UBN2: variants seen among roughly 807,000 people sequenced by gnomAD.
UBN2 encodes the protein ubinuclein 2, also known as ubinuclein-2.
In UBN2, 35 loss-of-function variants were observed where a neutral mutation model predicts 120.2. The ratio of observed to expected loss-of-function variants is 0.29; its 90% confidence interval spans 0.22 to 0.39. The LOEUF is 0.39. Among genes scored for constraint, UBN2 ranks in the 10% least tolerant of loss-of-function variants. The probability of loss-of-function intolerance (pLI) is 1.00; values close to 1 mark genes in which losing one functional copy is unlikely to be tolerated. For synonymous variants in UBN2, 661 were observed against 648.7 expected (o/e 1.02, Z -0.29); for missense variants, 1,693 against 1,663.2 (o/e 1.02, Z -0.31).
intron 9 of UBN2, among the ~76,000 whole-genome samples, chr7:139,273,088 T>G (rs1797336824): frequency 6.6e-6 from 1 of 152,210 alleles, no homozygotes; most frequent in African/African-American, 2.4e-5. Context: ...AAGGTGAATG[T>G]TGGTGCCTTT....
intron 17 of UBN2, 36 bp from the exon 18 acceptor site, chr7:139,297,751 A>G (rs1343989648): frequency 5.6e-6 from 9 of 1,607,360 alleles, no homozygotes; most frequent in Non-Finnish European, 6.0e-6. Context: ...TTTGTAACAT[A>G]TGGACCCATA....
At chr7:139,273,143 C>G (rs932029491) in intron 9 of UBN2, among the ~76,000 whole-genome samples, 154 bp from the exon 10 acceptor site, 7 of 152,202 alleles carry the variant, frequency 4.6e-5, no homozygotes, top group Non-Finnish European at 8.8e-5. Flanking sequence ...CTTTATAACT[C>G]CTTTCAAATT....
Position 139,304,401 on chromosome 7 carries a change from A to G in UBN2, c.*6565A>G, listed in dbSNP as rs1326181170. 6.6e-6 allele frequency: 1 copy of G among 152,152 alleles called. No homozygotes were observed. The highest frequency in any genetic ancestry group is 2.4e-5 in the African/African-American group (1 of 41,448). The allele number at this position is 152,152 out of a possible 1,614,324, so 9.4% of individuals were successfully genotyped here. ...CGAAGATCATTTTATCCCACCTTCC[A>G]TCCCTGTATATTAAGTAGTACTACT... On this transcript the variant is annotated 3_prime_UTR_variant, in exon 18 of 18. Transcript: ENST00000473989.
At chr7:139,271,563 G>C (rs8180803) in intron 8 of UBN2, among the ~76,000 whole-genome samples, 10,460 of 150,636 alleles carry the variant, frequency 0.069, 693 homozygotes, top group Admixed American at 0.2. Flanking sequence ...TCCAGCCTGT[G>C]TGACAGCGAG....
chr7:139,313,058 A>G (rs557994633), downstream of UBN2, among the ~76,000 whole-genome samples: 7 of 152,206 alleles, frequency 4.6e-5, no homozygotes, highest in East Asian at 1.2e-3. Context: ...ATGCCTTAGT[A>G]TCTAGTAAAG....
chr7:139,272,537 T>C, intron 9 of UBN2, 97 bp downstream of exon 9: 1 of 860,024 alleles, frequency 1.2e-6, no homozygotes. Flanking sequence ...TATGTATGTA[T>C]GTATTTTGAG....
chr7:139,300,423 A>G lies in UBN2; in HGVS notation c.*2587A>G, dbSNP rs1399062540. On this transcript the variant is annotated 3_prime_UTR_variant, in exon 18 of 18. Coordinates refer to ENST00000473989, the MANE Select transcript of UBN2 (RefSeq NM_173569.4). ...TTCTTTCCTAGATCATAACATTGAA[A>G]AAGGTGCCCATACTTTATGGTCACC... The G allele has an allele frequency of 6.6e-6, 1 of 152,248 alleles. No homozygotes were observed. Among genetic ancestry groups the G allele is most frequent in the African/African-American group, 2.4e-5 (1 of 41,464 alleles). 9.4% of individuals were successfully genotyped at this position (152,248 alleles called of 1,614,324 possible).
chr7:139,298,073 G>C lies in UBN2; in HGVS notation c.*237G>C. 1 of 471,662 alleles carries C rather than the reference G, an allele frequency of 2.1e-6. No individual in the cohort carries two copies. The highest frequency in any genetic ancestry group is 3.8e-6 in the Non-Finnish European group (1 of 263,662). 29.2% of individuals were successfully genotyped at this position (471,662 alleles called of 1,614,324 possible). On this transcript the variant is annotated 3_prime_UTR_variant, in exon 18 of 18. Transcript: ENST00000473989. ...CTTTGGTCTCTTCTAAAGAATGACA[G>C]AGTTACCGTATTAACAGACTTGAAA... is the stretch of plus-strand genomic sequence containing the variant.
At chr7:139,268,279 T>A (rs1234566463) in intron 7 of UBN2, among the ~76,000 whole-genome samples, 3 of 152,180 alleles carry the variant, frequency 2.0e-5, no homozygotes, top group Non-Finnish European at 2.9e-5. Context: ...CAAGTACTAG[T>A]GTTCTGAGTT....
intron 3 of UBN2, 93 bp downstream of exon 3, chr7:139,252,150 G>T: frequency 8.7e-6 from 8 of 923,984 alleles, no homozygotes; most frequent in South Asian, 3.4e-5. Flanking sequence ...TGCAGTGAAT[G>T]TTTTTATTTG....
rs761310556 is a variant in UBN2, at chr7:139,258,625, G to C, written c.801G>C (p.Lys267Asn). The change falls in exon 4 of 18, where the codon AAG becomes AAC. Residue 267 changes from lysine to asparagine, a missense_variant and splice_region_variant. Physicochemically the swap from Lys to Asn is moderately conservative, Grantham distance 94. Transcript: ENST00000473989. ...ITDNQKHKPP[K>N]VPKIKEDDIE... ...ACAACCAAAAGCACAAGCCACCCAA[G>C]GTGAGTTTATCAAACATTGCAACAG... 9.4e-6 allele frequency: 15 copies of C among 1,590,122 alleles called. No individual in the cohort carries two copies. The South Asian group carries it at 1.6e-4, about 17-fold the overall frequency.
intron 3 of UBN2, 90 bp from the exon 4 acceptor site, chr7:139,258,398 G>C (rs1796826266): frequency 2.5e-5 from 26 of 1,022,372 alleles, no homozygotes; most frequent in Non-Finnish European, 3.5e-5. Context: ...GGATTTAAGG[G>C]AGATGCTGCC....
chr7:139,293,910 C>G lies in UBN2; in HGVS notation c.3923C>G (p.Pro1308Arg). 1 of 1,614,066 alleles carries G rather than the reference C, an allele frequency of 6.2e-7. No individual in the cohort carries two copies. The highest frequency in any genetic ancestry group is 8.5e-7 in the Non-Finnish European group (1 of 1,179,980). ...TCAGATTTACTAAAGGGTTTACAGCCAGGAGGAGCTCAGCATGCAGCAACG... is the reference window on the plus strand; with the variant it reads ...TCAGATTTACTAAAGGGTTTACAGCGAGGAGGAGCTCAGCATGCAGCAACG... ...LTQNLLKGLQ[P>R]GGAQHAATLS... The change falls in exon 17 of 18, where the codon CCA (proline) becomes CGA (arginine). Residue 1308 changes from proline to arginine, a missense_variant. Transcript: ENST00000473989.
chr7:139,325,017 G>A, the UBN2 span, among the ~76,000 whole-genome samples: 10 of 151,952 alleles, frequency 6.6e-5, no homozygotes, highest in African/African-American at 1.7e-4. Context: ...ACTGAATTAC[G>A]TGTTGTCAAT....
chr7:139,290,870 ATG>A (rs1233356899), intron 15 of UBN2, among the ~76,000 whole-genome samples: 1 of 152,158 alleles, frequency 6.6e-6, no homozygotes, highest in African/African-American at 2.4e-5. Context: ...GTTATGTGGC[ATG>A]TGTGTGTGGA....
the UBN2 span, among the ~76,000 whole-genome samples, chr7:139,329,784 G>A: frequency 6.6e-6 from 1 of 152,038 alleles, no homozygotes; most frequent in Admixed American, 6.6e-5. Flanking sequence ...CTCTAGGCTA[G>A]TTGGCTGCCC....
the UBN2 span, among the ~76,000 whole-genome samples, chr7:139,319,482 G>T: frequency 1.3e-5 from 2 of 152,208 alleles, no homozygotes; most frequent in South Asian, 4.1e-4. Context: ...AAAGCCAGTT[G>T]TGCAGATGCT....
chr7:139,276,352 A>G (rs1204074818), intron 12 of UBN2: 2 of 543,420 alleles, frequency 3.7e-6, no homozygotes, highest in Non-Finnish European at 6.6e-6. Context: ...ACTGTGACAC[A>G]TAATGGCCTG....
At chr7:139,280,142 T>A (rs1486714372) in intron 13 of UBN2, among the ~76,000 whole-genome samples, 2 of 152,158 alleles carry the variant, frequency 1.3e-5, no homozygotes, top group African/African-American at 4.8e-5. Flanking sequence ...AAGGCATTCC[T>A]CCTATAAACC....
Sources: allele counts gnomAD v4.1 joint callset (sites outside exome capture counted in the v4.1 genomes callset), GRCh38; gene constraint gnomAD v4.1.1; transcripts MANE v1.5; gene names NCBI Gene and HGNC (gene_info 2026-07-23, HGNC 2026-07-21).